The following CEP128 variants were observed in gnomAD, a reference collection of about 807,000 sequenced individuals.
The protein encoded by CEP128 is centrosomal protein 128.
In CEP128, 132 loss-of-function variants were observed where a neutral mutation model predicts 156.7. The observed-to-expected ratio is 0.84, with a 90% CI of 0.73 to 0.97. The LOEUF is 0.97. Among genes scored for constraint, CEP128 ranks in the 50% least tolerant of loss-of-function variants. The probability of loss-of-function intolerance (pLI) is 0.00; values close to 1 mark genes in which losing one functional copy is unlikely to be tolerated. For missense variants in CEP128, 1,252 were observed against 1,281.9 expected, an observed-to-expected ratio of 0.98 and a Z score of 0.36; for synonymous variants, 469 against 448.9, an observed-to-expected ratio of 1.04 and a Z score of -0.57.
chr14:80,876,643 T>C (rs889821337), intron 8 of CEP128, among the ~76,000 whole-genome samples: 1 of 148,336 alleles, frequency 6.7e-6, no homozygotes, highest in African/African-American at 2.5e-5. Context: ...GATTTCTCAA[T>C]AGAAGCAATA....
intron 8 of CEP128, among the ~76,000 whole-genome samples, chr14:80,891,056 T>C (rs192019374): frequency 1.3e-3 from 198 of 152,054 alleles, no homozygotes; most frequent in Non-Finnish European, 2.5e-3. Flanking sequence ...AAGTAACAAA[T>C]GTTGGCAAGG....
intron 8 of CEP128, among the ~76,000 whole-genome samples, chr14:80,885,764 G>A (rs1243865817): frequency 6.6e-6 from 1 of 152,046 alleles, no homozygotes; most frequent in Non-Finnish European, 1.5e-5. Flanking sequence ...GCACCAAATT[G>A]GACAGAGAAT....
intron 19 of CEP128, among the ~76,000 whole-genome samples, chr14:80,736,606 C>T (rs1422144278): frequency 1.3e-5 from 2 of 152,090 alleles, no homozygotes; most frequent in Non-Finnish European, 2.9e-5. Flanking sequence ...CCCACTCAAT[C>T]AATACTGGTC....
chr14:80,499,029 T>G (rs1278741330), intron 24 of CEP128, among the ~76,000 whole-genome samples: 3 of 152,200 alleles, frequency 2.0e-5, no homozygotes, highest in Admixed American at 6.5e-5. Flanking sequence ...CACTGTCACA[T>G]AAAATAAATC....
intron 19 of CEP128, among the ~76,000 whole-genome samples, chr14:80,735,688 G>A (rs146570075): frequency 2.0e-5 from 3 of 152,258 alleles, no homozygotes; most frequent in South Asian, 2.1e-4. Flanking sequence ...AGTTCTGTCC[G>A]TTAGAAGTTC....
intron 20 of CEP128, among the ~76,000 whole-genome samples, chr14:80,572,959 G>T (rs1437776472): frequency 1.3e-5 from 2 of 152,160 alleles, no homozygotes; most frequent in African/African-American, 4.8e-5. Flanking sequence ...GTCTTGCTCT[G>T]TTGGCCAGGC....
chr14:80,661,361 C>T (rs1895395957), intron 19 of CEP128, among the ~76,000 whole-genome samples: 1 of 152,106 alleles, frequency 6.6e-6, no homozygotes, highest in Admixed American at 6.6e-5. Flanking sequence ...AAGCCATCAT[C>T]AATATACTTC....
Position 80,891,585 on chromosome 14 carries a change from CAA to C in CEP128, c.645+4131_645+4132del, listed in dbSNP as rs34380899. ...GAGGAGATGGAATGGTTACTAGGTG[CAA>C]AAAAAAAAAAAAAAATAGCTGGAAA... On this transcript the variant is annotated intron_variant, in intron 8 of 24. Coordinates refer to ENST00000555265, the MANE Select transcript of CEP128 (RefSeq NM_152446.5). Among the ~76,000 whole-genome samples, 196 of 97,084 alleles carry C rather than the reference CAA, an allele frequency of 2.0e-3. 2 individuals are homozygous for C. The highest frequency in any genetic ancestry group is 6.9e-3 in the Middle Eastern group (1 of 144). 63.7% of individuals were successfully genotyped at this position (97,084 alleles called of 152,430 possible).
chr14:80,669,845 C>A (rs976699670), intron 19 of CEP128, among the ~76,000 whole-genome samples: 1 of 152,074 alleles, frequency 6.6e-6, no homozygotes, highest in Non-Finnish European at 1.5e-5. Flanking sequence ...CAAAGAAACA[C>A]CTGAGACTGG....
chr14:80,681,375 C>T (rs1896318633), intron 19 of CEP128, among the ~76,000 whole-genome samples: 1 of 152,192 alleles, frequency 6.6e-6, no homozygotes. Flanking sequence ...ACCAATAGAT[C>T]ACATTAGCTC....
chr14:80,500,281 T>G (rs558141076), intron 24 of CEP128, among the ~76,000 whole-genome samples: 1 of 152,232 alleles, frequency 6.6e-6, no homozygotes, highest in Non-Finnish European at 1.5e-5. Flanking sequence ...GCAGAATGAA[T>G]GCCTTAGCAT....
At chr14:80,520,224 G>A (rs748801167) in intron 23 of CEP128, among the ~76,000 whole-genome samples, 1 of 152,084 alleles carries the variant, frequency 6.6e-6, no homozygotes, top group Non-Finnish European at 1.5e-5. Flanking sequence ...TTGGAGACCA[G>A]CCTGGCCAAC....
At chr14:80,561,816 T>G (rs1890686252) in intron 20 of CEP128, among the ~76,000 whole-genome samples, 1 of 151,862 alleles carries the variant, frequency 6.6e-6, no homozygotes, top group Admixed American at 6.6e-5. Flanking sequence ...ATTTTTTATT[T>G]TAAAGGAAAT....
intron 24 of CEP128, 52 bp downstream of exon 24, chr14:80,504,860 T>C (rs1887896411): frequency 5.3e-6 from 5 of 945,072 alleles, no homozygotes; most frequent in Non-Finnish European, 6.5e-6. Flanking sequence ...TTCCCATGTG[T>C]TGCATTTTCT....
intron 14 of CEP128, among the ~76,000 whole-genome samples, chr14:80,790,893 AT>A (rs1043085552): frequency 2.0e-5 from 3 of 152,132 alleles, no homozygotes; most frequent in Admixed American, 2.0e-4. Context: ...AAGGCTACTT[AT>A]TAAGTAATTT....
intron 19 of CEP128, among the ~76,000 whole-genome samples, chr14:80,668,381 T>C (rs1895711389): frequency 6.6e-6 from 1 of 152,028 alleles, no homozygotes; most frequent in Admixed American, 6.6e-5. Context: ...AAAAGAGAAA[T>C]ATTAGAAAAT....
chr14:80,754,459 C>CTTTTTT (rs758603562), intron 18 of CEP128, among the ~76,000 whole-genome samples: 80 of 104,744 alleles, frequency 7.6e-4, no homozygotes, highest in Non-Finnish European at 9.9e-4. Flanking sequence ...ATGTCCTGTT[C>CTTTTTT]TTTTTTTTTT....
intron 21 of CEP128, among the ~76,000 whole-genome samples, chr14:80,537,506 C>T (rs571614601): frequency 6.5e-4 from 99 of 152,222 alleles, no homozygotes; most frequent in African/African-American, 2.3e-3. Context: ...CAAATGAGGA[C>T]TAGTTTAATG....
intron 8 of CEP128, among the ~76,000 whole-genome samples, chr14:80,881,088 T>C (rs1595540176): frequency 7.1e-6 from 1 of 141,490 alleles, no homozygotes; most frequent in African/African-American, 2.6e-5. Flanking sequence ...AGAGTAGAAA[T>C]AAATGAAATT....
Sources: gnomAD v4.1 joint callset for allele counts (sites outside exome capture counted in the v4.1 genomes callset) on GRCh38, gnomAD v4.1.1 for gene constraint, MANE v1.5 for transcripts, NCBI Gene and HGNC (gene_info 2026-07-23, HGNC 2026-07-21) for gene names.